Variants in ZFAT observed in about 807,000 individuals in gnomAD.
ZFAT encodes zinc finger and AT-hook domain containing, also known as zinc finger protein ZFAT.
Under a neutral mutation model 117.7 loss-of-function variants are expected in ZFAT, and 64 were observed. The ratio of observed to expected loss-of-function variants is 0.54; its 90% CI spans 0.44 to 0.67. The LOEUF is 0.67. ZFAT is among the 30% of genes least tolerant of loss of function. The probability of loss-of-function intolerance (pLI) is 0.00; values close to 1 mark genes in which losing one functional copy is unlikely to be tolerated. For missense variants in ZFAT, 1,433 were observed against 1,584.5 expected (o/e 0.90, Z 1.62); for synonymous variants, 679 against 615.0 (o/e 1.10, Z -1.54).
chr8:134,653,916 C>G (rs936413422), intron 2 of ZFAT, among the ~76,000 whole-genome samples: 1 of 152,154 alleles, frequency 6.6e-6, no homozygotes, highest in Admixed American at 6.5e-5. Context: ...TGGAAGAACA[C>G]TTGTTAGCAC....
chr8:134,523,613 G>A (rs1820818197), intron 12 of ZFAT, among the ~76,000 whole-genome samples: 1 of 152,152 alleles, frequency 6.6e-6, no homozygotes, highest in African/African-American at 2.4e-5. Context: ...CCCTTCCAAT[G>A]GTCTTCTGTC....
intron 1 of ZFAT, among the ~76,000 whole-genome samples, chr8:134,697,503 G>A (rs1467041356): frequency 1.3e-5 from 2 of 149,966 alleles, no homozygotes; most frequent in African/African-American, 2.4e-5. Flanking sequence ...CGAGGTGGGC[G>A]GATCACGAAA....
intron 10 of ZFAT, among the ~76,000 whole-genome samples, chr8:134,570,628 G>A (rs991668074): frequency 1.2e-4 from 19 of 152,110 alleles, no homozygotes; most frequent in African/African-American, 3.9e-4. Flanking sequence ...AGAGCATCCT[G>A]GAGGTAAGGC....
chr8:134,563,972 C>T (rs998981413), intron 11 of ZFAT, among the ~76,000 whole-genome samples: 3 of 151,828 alleles, frequency 2.0e-5, no homozygotes, highest in Non-Finnish European at 4.4e-5. Context: ...AGTGAAACCC[C>T]GTCTCTACTA....
intron 11 of ZFAT, among the ~76,000 whole-genome samples, chr8:134,535,518 C>A (rs974630817): frequency 1.4e-5 from 2 of 142,908 alleles, no homozygotes; most frequent in Non-Finnish European, 3.0e-5. Context: ...CCTCCCTCTC[C>A]CTCCCTCTCT....
chr8:134,604,734 T>C (rs1311933677), intron 5 of ZFAT, among the ~76,000 whole-genome samples: 1 of 152,250 alleles, frequency 6.6e-6, no homozygotes, highest in Non-Finnish European at 1.5e-5. Flanking sequence ...TTTAAATGGA[T>C]TGCAGTCCAT....
chr8:134,532,319 T>C (rs1272788991), intron 12 of ZFAT, among the ~76,000 whole-genome samples: 2 of 152,182 alleles, frequency 1.3e-5, no homozygotes, highest in African/African-American at 2.4e-5. Context: ...ATGCCTACAA[T>C]AGCATTAGTT....
chr8:134,521,037 T>C, intron 12 of ZFAT, 36 bp from the exon 13 acceptor site: 1 of 1,512,334 alleles, frequency 6.6e-7, no homozygotes. Context: ...AAAAAATGTG[T>C]TCGTAATACA....
At chr8:134,690,530 T>C (rs928708862) in intron 1 of ZFAT, among the ~76,000 whole-genome samples, 1 of 152,212 alleles carries the variant, frequency 6.6e-6, no homozygotes, top group Non-Finnish European at 1.5e-5. Context: ...CTCAGTTATA[T>C]TGGGCTCAGT....
chr8:134,666,551 TAAGG>T lies in ZFAT; in HGVS notation c.20-8818_20-8815del, dbSNP rs1832227929. 2.6e-5 allele frequency among the ~76,000 whole-genome samples: 4 copies of T among 152,252 alleles called. No homozygotes were observed. The South Asian group carries it at 8.3e-4, about 32-fold the overall frequency. ...ACCATCACAAAAATGACTTCATGAT[TAAGG>T]ATAAGCCTGTCTACAACAAGCGAAA... is the stretch of plus-strand genomic sequence containing the variant. On this transcript the variant is annotated intron_variant, in intron 1 of 15. Coordinates refer to ENST00000377838, the MANE Select transcript of ZFAT (RefSeq NM_020863.4).
chr8:134,755,648 C>T, the ZFAT span, among the ~76,000 whole-genome samples: 1 of 151,012 alleles, frequency 6.6e-6, no homozygotes, highest in Non-Finnish European at 1.5e-5. Flanking sequence ...CATGTCTCTA[C>T]AAAAAATACA....
At chr8:134,678,037 C>T (rs1235116258) in intron 1 of ZFAT, among the ~76,000 whole-genome samples, 4 of 152,154 alleles carry the variant, frequency 2.6e-5, no homozygotes, top group Admixed American at 2.0e-4. Flanking sequence ...AAAACTGGCA[C>T]AAGACAAGGA....
chr8:134,588,311 G>A lies in ZFAT; in HGVS notation c.2648C>T (p.Pro883Leu). 3.2e-6 allele frequency: 5 copies of A among 1,584,528 alleles called. No individual in the cohort carries two copies. The highest frequency in any genetic ancestry group is 4.3e-6 in the Non-Finnish European group (5 of 1,164,224). Residue 883 changes from proline (P) to leucine (L), a missense_variant, in exon 9 of 16, where the codon CCA becomes CTA. By Grantham distance (98) the Pro-to-Leu change is moderately conservative. Transcript: ENST00000377838. ...CTTCATGAAATAAAAGTCACAATAT[G>A]GGCATTTCATGGCTCTCTTTCCAAT... ...GLIGKRAMKC[P>L]YCDFYFMKNG... is the part of the protein sequence containing the mutation.
intron 5 of ZFAT, among the ~76,000 whole-genome samples, chr8:134,605,526 A>G (rs1827819834): frequency 6.6e-6 from 1 of 150,702 alleles, no homozygotes; most frequent in East Asian, 1.9e-4. Flanking sequence ...AGCCCGGGAG[A>G]CAGAGCCACA....
intron 12 of ZFAT, among the ~76,000 whole-genome samples, chr8:134,527,662 T>C (rs972382560): frequency 4.6e-5 from 7 of 152,166 alleles, no homozygotes; most frequent in Admixed American, 4.6e-4. Context: ...CATGCAATAT[T>C]AGATCCTACC....
chr8:134,832,228 G>A, the ZFAT span, among the ~76,000 whole-genome samples: 5 of 151,636 alleles, frequency 3.3e-5, no homozygotes, highest in Admixed American at 6.6e-5. Context: ...CATGGCGCGC[G>A]GCGGCGGCAG....
At chr8:134,537,023 T>C (rs1165149269) in intron 11 of ZFAT, among the ~76,000 whole-genome samples, 1 of 152,240 alleles carries the variant, frequency 6.6e-6, no homozygotes, top group East Asian at 1.9e-4. Context: ...TATTCAGTGT[T>C]GCACAGAAGT....
chr8:134,578,411 C>CAAAA (rs778606284), intron 10 of ZFAT, among the ~76,000 whole-genome samples: 1 of 68,394 alleles, frequency 1.5e-5, no homozygotes, highest in African/African-American at 5.7e-5. Context: ...AACTCTGTCT[C>CAAAA]AAAAAAAAAA....
intron 1 of ZFAT, among the ~76,000 whole-genome samples, chr8:134,663,084 A>C (rs1832016759): frequency 6.6e-6 from 1 of 152,270 alleles, no homozygotes; most frequent in African/African-American, 2.4e-5. Flanking sequence ...ACACTCGCTC[A>C]TAACTTCTGA....
Sources: gnomAD v4.1 joint callset for allele counts (sites outside exome capture counted in the v4.1 genomes callset) on GRCh38, gnomAD v4.1.1 for gene constraint, MANE v1.5 for transcripts, NCBI Gene and HGNC (gene_info 2026-07-23, HGNC 2026-07-21) for gene names.